The following AFF2 variants were observed in gnomAD, a reference collection of about 807,000 sequenced individuals.
AFF2 encodes the protein AF4/FMR2 family member 2.
A neutral mutation model predicts 76.9 loss-of-function variants in AFF2; 14 were observed. That is an observed-to-expected ratio of 0.18 (90% CI 0.12 to 0.28). The LOEUF (loss-of-function observed/expected upper bound fraction) is 0.28, where lower values mean the gene tolerates loss of function less well. Among genes scored for constraint, AFF2 ranks in the 10% least tolerant of loss-of-function variants. The probability of loss-of-function intolerance (pLI) is 1.00; values close to 1 mark genes in which losing one functional copy is unlikely to be tolerated. For synonymous variants in AFF2, 398 were observed against 366.7 expected, an observed-to-expected ratio of 1.09 and a Z score of -0.98; for missense variants, 868 against 1,001.1, an observed-to-expected ratio of 0.87 and a Z score of 1.79.
intron 1 of AFF2, among the ~76,000 whole-genome samples, chrX:148,561,694 G>A (rs1290643988): frequency 9.0e-6 from 1 of 110,945 alleles, no homozygotes; most frequent in East Asian, 2.8e-4. Flanking sequence ...GAAGGAATGC[G>A]GTGGAATACA....
chrX:148,653,319 A>T (rs1293873599), intron 2 of AFF2, among the ~76,000 whole-genome samples: 2 of 111,314 alleles, frequency 1.8e-5, no homozygotes, highest in Non-Finnish European at 3.8e-5. Context: ...TTTAACAAAC[A>T]TTTATGAAGG....
chrX:148,575,305 C>T (rs368999025), intron 1 of AFF2, among the ~76,000 whole-genome samples: 7 of 110,583 alleles, frequency 6.3e-5, no homozygotes, highest in Non-Finnish European at 1.1e-4. Context: ...ATTTAATTCA[C>T]GAAAAGGAGT....
chrX:148,597,786 G>A (rs1274036563), intron 1 of AFF2, among the ~76,000 whole-genome samples: 1 of 111,941 alleles, frequency 8.9e-6, no homozygotes, highest in Non-Finnish European at 1.9e-5. Flanking sequence ...GCTCCCACAG[G>A]GCTGTGATTA....
At chrX:148,973,850 A>G (rs1422495896) in intron 16 of AFF2, among the ~76,000 whole-genome samples, 1 of 112,029 alleles carries the variant, frequency 8.9e-6, no homozygotes, top group Non-Finnish European at 1.9e-5. Flanking sequence ...CAATATTCGT[A>G]ACATTAAAAT....
chrX:148,820,020 T>C (rs1315985948), intron 4 of AFF2, among the ~76,000 whole-genome samples: 1 of 111,776 alleles, frequency 8.9e-6, no homozygotes, highest in Non-Finnish European at 1.9e-5. Context: ...AATGTCTTAA[T>C]TTCTGTAGAT....
chrX:148,708,971 T>C (rs1412979546), intron 3 of AFF2, among the ~76,000 whole-genome samples: 3 of 112,084 alleles, frequency 2.7e-5, no homozygotes, highest in Non-Finnish European at 5.6e-5. Context: ...TGCATTTTTT[T>C]CGTTACCATT....
At chrX:148,536,263 T>G (rs1390171613) in intron 1 of AFF2, among the ~76,000 whole-genome samples, 2 of 110,597 alleles carry the variant, frequency 1.8e-5, no homozygotes, top group Non-Finnish European at 3.8e-5. Context: ...CCATATCACT[T>G]TATTCATCTT....
At chrX:148,564,066 T>A (rs2053142626) in intron 1 of AFF2, among the ~76,000 whole-genome samples, 1 of 111,647 alleles carries the variant, frequency 9.0e-6, no homozygotes, top group Admixed American at 9.5e-5. Context: ...TTTCAATATA[T>A]CCTGAAGGGA....
rs1557288999 is a variant in AFF2, at chrX:148,967,709, T to C, written c.3267+17T>C. On this transcript the variant is annotated intron_variant, in intron 15 of 20. Coordinates refer to ENST00000370460, the MANE Select transcript of AFF2 (RefSeq NM_002025.4). The stretch of plus-strand genomic sequence containing the variant: ...GATGCACTGGTAAGTTTCCTTTTTC[T>C]CATTGCTTTGTTCCTATTAAGGATT... 8.4e-7 allele frequency: 1 copy of C among 1,193,991 alleles called. No homozygotes were observed. Among genetic ancestry groups the C allele is most frequent in the Non-Finnish European group, 1.1e-6 (1 of 882,167 alleles).
chrX:148,674,668 C>T (rs1360751148), intron 3 of AFF2, among the ~76,000 whole-genome samples: 5 of 111,924 alleles, frequency 4.5e-5, no homozygotes, highest in Non-Finnish European at 3.8e-5. Flanking sequence ...ATTAGAGTGT[C>T]TGGACTCCCA....
chrX:148,585,006 G>C (rs956360871), intron 1 of AFF2, among the ~76,000 whole-genome samples: 1 of 111,965 alleles, frequency 8.9e-6, no homozygotes, highest in Non-Finnish European at 1.9e-5. Context: ...CAGGAAAATA[G>C]AGGTGCTGTT....
chrX:148,659,430 G>A (rs2054283925), intron 2 of AFF2, among the ~76,000 whole-genome samples: 1 of 112,332 alleles, frequency 8.9e-6, no homozygotes, highest in South Asian at 3.6e-4. Flanking sequence ...TCAGGGCATG[G>A]AGGTATTACA....
At chrX:148,762,380 TC>T (rs1183897896) in intron 3 of AFF2, among the ~76,000 whole-genome samples, 2 of 99,941 alleles carry the variant, frequency 2.0e-5, no homozygotes, top group African/African-American at 8.8e-5. Flanking sequence ...ATTATTTTGT[TC>T]CTTTTTATGG....
At chrX:148,837,785 A>G (rs782674018) in intron 5 of AFF2, 52 bp downstream of exon 5, 8 of 879,980 alleles carry the variant, frequency 9.1e-6, no homozygotes, top group Non-Finnish European at 1.3e-5. Flanking sequence ...AATTATACCA[A>G]TCTTCCAACT....
chrX:148,686,638 G>A (rs782532678), intron 3 of AFF2, among the ~76,000 whole-genome samples: 1 of 111,744 alleles, frequency 8.9e-6, no homozygotes, highest in South Asian at 3.8e-4. Flanking sequence ...AGTGGCATGT[G>A]TATAGTGCCT....
chrX:148,611,065 T>C (rs2053726525), intron 1 of AFF2, among the ~76,000 whole-genome samples: 1 of 111,891 alleles, frequency 8.9e-6, no homozygotes, highest in Non-Finnish European at 1.9e-5. Context: ...CCAGTATTCC[T>C]AGCAGAGACA....
At chrX:148,616,233 G>A (rs1161281651) in intron 1 of AFF2, among the ~76,000 whole-genome samples, 4 of 111,540 alleles carry the variant, frequency 3.6e-5, no homozygotes, top group Non-Finnish European at 5.7e-5. Flanking sequence ...AGCCACTCTG[G>A]GCTTTAATCT....
Position 148,987,381 on chromosome X carries a change from C to T in AFF2, c.3638C>T (p.Pro1213Leu). The part of the protein sequence containing the change: ...WVSNGKNTPS[P>L]VSLNNVSPIN... Reference sequence around the variant, plus strand: ...CCATTTCCCAGGAACACTCCATCCCCAGTGTCTCTCAACAACGTCTCCCCC... The same window carrying T: ...CCATTTCCCAGGAACACTCCATCCCTAGTGTCTCTCAACAACGTCTCCCCC... Residue 1213 changes from proline to leucine, a missense_variant, in exon 20 of 21, where the codon CCA becomes CTA. Physicochemically the swap from Pro to Leu is moderately conservative, Grantham distance 98. Transcript: ENST00000370460. The T allele has an allele frequency of 8.3e-7, 1 of 1,208,795 alleles. No individual in the cohort carries two copies. The highest frequency in any genetic ancestry group is 1.8e-5 in the South Asian group (1 of 56,489).
At chrX:148,786,706 G>A (rs1020324019) in intron 3 of AFF2, among the ~76,000 whole-genome samples, 1 of 112,066 alleles carries the variant, frequency 8.9e-6, no homozygotes, top group Non-Finnish European at 1.9e-5. Context: ...ACACTGTGAG[G>A]TACTGGGGGT....
Sources: gnomAD v4.1 joint callset for allele counts (sites outside exome capture counted in the v4.1 genomes callset) on GRCh38, gnomAD v4.1.1 for gene constraint, MANE v1.5 for transcripts, NCBI Gene and HGNC (gene_info 2026-07-23, HGNC 2026-07-21) for gene names.